The following MTUS2 variants were observed in gnomAD, a reference collection of about 807,000 sequenced individuals.
The protein encoded by MTUS2 is microtubule-associated tumor suppressor candidate 2.
In MTUS2, 40 loss-of-function variants were observed where a neutral mutation model predicts 114.1. The observed-to-expected ratio is 0.35, with a 90% CI of 0.27 to 0.46. The LOEUF is 0.46. MTUS2 is among the 20% of genes least tolerant of loss of function. The pLI, the probability that MTUS2 is intolerant of heterozygous loss-of-function variation, is 1.00. For missense variants in MTUS2, 1,679 were observed against 1,705.4 expected (o/e 0.98, Z 0.27); for synonymous variants, 688 against 672.0 (o/e 1.02, Z -0.37).
chr13:28,850,668 A>G (rs939472869), intron 2 of MTUS2, among the ~76,000 whole-genome samples: 5 of 152,212 alleles, frequency 3.3e-5, no homozygotes, highest in African/African-American at 4.8e-5. Flanking sequence ...GATACAGAGA[A>G]CTTTCATTCT....
chr13:29,002,896 A>G (rs1172882580), intron 2 of MTUS2, among the ~76,000 whole-genome samples: 1 of 152,230 alleles, frequency 6.6e-6, no homozygotes, highest in Non-Finnish European at 1.5e-5. Context: ...TTAGTTCCCC[A>G]GTGATGCTAG....
At chr13:29,260,772 C>T (rs542823258) in intron 5 of MTUS2, among the ~76,000 whole-genome samples, 15 of 152,150 alleles carry the variant, frequency 9.9e-5, no homozygotes, top group Non-Finnish European at 2.1e-4. Context: ...AGCAGTGGTT[C>T]TTAATCGGGA....
Position 28,894,449 on chromosome 13 carries a change from C to G in MTUS2, c.-243+54599C>G, listed in dbSNP as rs938586596. Among the ~76,000 whole-genome samples, 3 of 152,052 alleles carry G rather than the reference C, an allele frequency of 2.0e-5. 1 individual carries two copies. The highest frequency in any genetic ancestry group is 6.8e-3 in the Middle Eastern group (2 of 292). ...CTGCAAGCCGGGAAGGGGGTACCCT[C>G]ACCACAAACAAAATCTACTGGCACC... On this transcript the variant is annotated intron_variant, in intron 2 of 15. Coordinates refer to ENST00000612955, the MANE Select transcript of MTUS2 (RefSeq NM_001033602.4).
chr13:28,885,310 G>A (rs1031265742), intron 2 of MTUS2, among the ~76,000 whole-genome samples: 1 of 152,160 alleles, frequency 6.6e-6, no homozygotes, highest in African/African-American at 2.4e-5. Context: ...CAGCAGGGAG[G>A]AGTGGCTGGG....
intron 2 of MTUS2, among the ~76,000 whole-genome samples, chr13:28,855,766 T>A (rs1876587390): frequency 6.6e-6 from 1 of 152,218 alleles, no homozygotes; most frequent in Admixed American, 6.5e-5. Context: ...ATAGAATGAT[T>A]TATATTCCTT....
chr13:28,942,852 C>T (rs570783196), intron 2 of MTUS2, among the ~76,000 whole-genome samples: 1 of 152,084 alleles, frequency 6.6e-6, no homozygotes, highest in Non-Finnish European at 1.5e-5. Context: ...TGCCAGGGTG[C>T]TGGTAATGTG....
intron 5 of MTUS2, among the ~76,000 whole-genome samples, chr13:29,157,465 A>G (rs543601455): frequency 9.8e-5 from 15 of 152,350 alleles, no homozygotes; most frequent in Admixed American, 9.8e-4. Context: ...GATTCAGTTT[A>G]GCAAGTGGTG....
chr13:28,932,901 T>G (rs1881691170), intron 2 of MTUS2, among the ~76,000 whole-genome samples: 1 of 152,082 alleles, frequency 6.6e-6, no homozygotes, highest in Admixed American at 6.6e-5. Flanking sequence ...TGATATGATA[T>G]AAATAAATTG....
In MTUS2 at chr13:29,104,100, T is replaced by C. The variant is rs1236155859; in HGVS notation, c.2644+3130T>C. 2.0e-5 allele frequency among the ~76,000 whole-genome samples: 3 copies of C among 152,330 alleles called. No individual in the cohort carries two copies. In the East Asian group the frequency reaches 5.8e-4, roughly 29 times the overall value. On this transcript the variant is annotated intron_variant, in intron 5 of 15. Transcript: ENST00000612955. ...TTCCACATAGAGTCCGCATCCACCC[T>C]GGGCTCAGGCTTCAGGCCATTAGCC...
At chr13:29,027,706 C>T (rs1277175071) in intron 3 of MTUS2, among the ~76,000 whole-genome samples, 7 of 152,272 alleles carry the variant, frequency 4.6e-5, no homozygotes, top group Middle Eastern at 3.4e-3. Flanking sequence ...CGCCCGCCAC[C>T]GCGCCTGGCT....
At chr13:29,481,897 G>A (rs1208667261) in intron 10 of MTUS2, among the ~76,000 whole-genome samples, 2 of 152,154 alleles carry the variant, frequency 1.3e-5, no homozygotes, top group Non-Finnish European at 2.9e-5. Flanking sequence ...TTGGTGTTAA[G>A]ATGAGAAACT....
At chr13:29,132,539 C>G (rs1891810928) in intron 5 of MTUS2, among the ~76,000 whole-genome samples, 1 of 152,190 alleles carries the variant, frequency 6.6e-6, no homozygotes. Context: ...CCCTGGAAAC[C>G]ACAATTCTGC....
chr13:29,301,401 A>G (rs1899199250), intron 6 of MTUS2, among the ~76,000 whole-genome samples: 1 of 152,194 alleles, frequency 6.6e-6, no homozygotes. Context: ...TGGGAAAAAC[A>G]TGGCAAGTTG....
chr13:29,034,636 G>A (rs773211991), intron 4 of MTUS2, among the ~76,000 whole-genome samples: 7 of 152,202 alleles, frequency 4.6e-5, no homozygotes, highest in South Asian at 2.1e-4. Flanking sequence ...AGAGAAGTGC[G>A]TTTAGAAAGG....
chr13:29,202,490 T>C (rs563257215), intron 5 of MTUS2, among the ~76,000 whole-genome samples: 27 of 152,314 alleles, frequency 1.8e-4, no homozygotes, highest in African/African-American at 6.5e-4. Context: ...TTACACACCT[T>C]CTGAAGCCTC....
intron 6 of MTUS2, among the ~76,000 whole-genome samples, chr13:29,304,248 C>A (rs1365672028): frequency 1.3e-5 from 2 of 152,018 alleles, no homozygotes; most frequent in Admixed American, 1.3e-4. Context: ...GAAAAATAAC[C>A]AACTAGCATC....
Position 29,498,513 on chromosome 13 carries a change from G to A in MTUS2, c.3774G>A (p.Lys1258=). 1 of 1,614,174 alleles carries A rather than the reference G, an allele frequency of 6.2e-7. No individual in the cohort carries two copies. Among genetic ancestry groups the A allele is most frequent in the South Asian group, 1.1e-5 (1 of 91,080 alleles). The change falls in exon 14 of 16, where the codon AAG becomes AAA. Residue 1258 remains lysine (K), a synonymous_variant. Coordinates refer to ENST00000612955, the MANE Select transcript of MTUS2 (RefSeq NM_001033602.4). ...MKNQQIHEQE[K]KILELEKLAE... ...ATCAGCAAATACACGAGCAAGAAAAGAAGATTCTTGAGCTGGAAAAGCTGG... is the reference window on the plus strand; with the variant it reads ...ATCAGCAAATACACGAGCAAGAAAAAAAGATTCTTGAGCTGGAAAAGCTGG...
At chr13:28,825,341 A>G (rs1471926422) in intron 1 of MTUS2, among the ~76,000 whole-genome samples, 2 of 152,296 alleles carry the variant, frequency 1.3e-5, no homozygotes, top group Middle Eastern at 3.4e-3. Flanking sequence ...CCTGGGAACA[A>G]ATGGAACTAT....
At chr13:28,854,732 C>G (rs1223937524) in intron 2 of MTUS2, among the ~76,000 whole-genome samples, 1 of 152,006 alleles carries the variant, frequency 6.6e-6, no homozygotes, top group Non-Finnish European at 1.5e-5. Flanking sequence ...GAAATAAAAC[C>G]AGCTATATTC....
Sources: gnomAD v4.1 joint callset for allele counts (sites outside exome capture counted in the v4.1 genomes callset) on GRCh38, gnomAD v4.1.1 for gene constraint, MANE v1.5 for transcripts, NCBI Gene and HGNC (gene_info 2026-07-23, HGNC 2026-07-21) for gene names.